CHSY3: variants seen among roughly 807,000 people sequenced by gnomAD.
The protein encoded by CHSY3 is N-acetylgalactosaminyl-proteoglycan 3-beta-glucuronosyltransferase 3.
A neutral mutation model predicts 67.2 loss-of-function variants in CHSY3; 35 were observed. The ratio of observed to expected loss-of-function variants is 0.52; its 90% CI spans 0.40 to 0.69. The LOEUF (loss-of-function observed/expected upper bound fraction) is 0.69, where lower values mean the gene tolerates loss of function less well. CHSY3 is among the 30% of genes least tolerant of loss of function. The pLI is 0.00. For synonymous variants in CHSY3, 474 were observed against 434.7 expected (o/e 1.09, Z -1.12); for missense variants, 1,069 against 1,138.5 (o/e 0.94, Z 0.88).
At chr5:130,175,187 T>C (rs1770007778) in intron 2 of CHSY3, among the ~76,000 whole-genome samples, 1 of 151,922 alleles carries the variant, frequency 6.6e-6, no homozygotes, top group South Asian at 2.1e-4. Flanking sequence ...TGTGCAAAAA[T>C]CACAAGCATT....
intron 2 of CHSY3, among the ~76,000 whole-genome samples, chr5:129,967,719 A>C (rs189114780): frequency 6.6e-6 from 1 of 151,956 alleles, no homozygotes; most frequent in Admixed American, 6.6e-5. Context: ...GTGAATAGAA[A>C]GGATCATTCA....
chr5:130,069,254 T>C (rs1765983710), intron 2 of CHSY3, among the ~76,000 whole-genome samples: 1 of 152,044 alleles, frequency 6.6e-6, no homozygotes, highest in South Asian at 2.1e-4. Context: ...GCTATAAGAC[T>C]ATGTAAACAG....
In CHSY3 at chr5:129,976,634, A is replaced by G. The variant is rs1388581403; in HGVS notation, c.1086+68274A>G. Reference sequence around the variant, plus strand: ...ATAGAACTTCCTGATTGGAAGACTTACATATACCTGAAAAGCTCTTCACAT... The same window carrying G: ...ATAGAACTTCCTGATTGGAAGACTTGCATATACCTGAAAAGCTCTTCACAT... On this transcript the variant is annotated intron_variant, in intron 2 of 2. Coordinates refer to ENST00000305031, the MANE Select transcript of CHSY3 (RefSeq NM_175856.5). Among the ~76,000 whole-genome samples, 4 of 152,164 alleles carry G rather than the reference A, an allele frequency of 2.6e-5. No homozygotes were observed. The East Asian group carries it at 7.7e-4, about 29-fold the overall frequency.
intron 2 of CHSY3, among the ~76,000 whole-genome samples, chr5:129,958,089 A>G (rs1246359183): frequency 2.0e-5 from 3 of 152,060 alleles, no homozygotes; most frequent in African/African-American, 4.8e-5. Flanking sequence ...AATATTTGTA[A>G]TGTTCTCTGA....
Position 130,088,600 on chromosome 5 carries a change from A to G in CHSY3, c.1087-95629A>G, listed in dbSNP as rs1440528942. On this transcript the variant is annotated intron_variant, in intron 2 of 2. Coordinates refer to ENST00000305031, the MANE Select transcript of CHSY3 (RefSeq NM_175856.5). The stretch of plus-strand genomic sequence containing the variant: ...ACTTCTCAAAAGAAGACATTTATGC[A>G]GCCAAAAAACACATGAAAAAATGCT... Among the ~76,000 whole-genome samples the G allele has an allele frequency of 8.5e-5, 13 of 152,342 alleles. No individual in the cohort carries two copies. In the East Asian group the frequency reaches 2.5e-3, roughly 29 times the overall value.
chr5:130,041,798 A>AT (rs1765012884), intron 2 of CHSY3, among the ~76,000 whole-genome samples: 1 of 152,198 alleles, frequency 6.6e-6, no homozygotes, highest in Non-Finnish European at 1.5e-5. Context: ...ATGCATAGTG[A>AT]TCACATTTGA....
At chr5:129,940,311 G>A (rs1761659071) in intron 2 of CHSY3, among the ~76,000 whole-genome samples, 1 of 152,080 alleles carries the variant, frequency 6.6e-6, no homozygotes, top group African/African-American at 2.4e-5. Flanking sequence ...GAGTTAAGAT[G>A]TGATGAATCT....
chr5:130,090,848 A>G (rs1766853658), intron 2 of CHSY3, among the ~76,000 whole-genome samples: 1 of 152,172 alleles, frequency 6.6e-6, no homozygotes, highest in African/African-American at 2.4e-5. Context: ...CCAACACAGA[A>G]ACATTGTAAA....
intron 2 of CHSY3, chr5:130,001,691 A>G (rs1163398244): frequency 5.5e-6 from 4 of 721,908 alleles, no homozygotes; most frequent in Non-Finnish European, 6.8e-6. Context: ...ACTATTCACA[A>G]TTATTTCATA....
intron 2 of CHSY3, among the ~76,000 whole-genome samples, chr5:129,938,806 G>A (rs991642765): frequency 3.3e-5 from 5 of 152,132 alleles, no homozygotes; most frequent in African/African-American, 9.7e-5. Context: ...AATTTAACAC[G>A]TCTCTAGGAA....
At chr5:129,964,271 T>C (rs777696129) in intron 2 of CHSY3, among the ~76,000 whole-genome samples, 2 of 151,886 alleles carry the variant, frequency 1.3e-5, no homozygotes, top group African/African-American at 2.4e-5. Context: ...CCTGCTCTTA[T>C]ATACAAATAT....
chr5:130,154,520 C>T (rs1041836350), intron 2 of CHSY3, among the ~76,000 whole-genome samples: 5 of 152,106 alleles, frequency 3.3e-5, no homozygotes, highest in African/African-American at 1.2e-4. Context: ...TCTTAAATGC[C>T]ATGTTTTTGT....
intron 2 of CHSY3, among the ~76,000 whole-genome samples, chr5:129,991,465 T>C (rs1439463916): frequency 6.6e-6 from 1 of 152,120 alleles, no homozygotes; most frequent in African/African-American, 2.4e-5. Context: ...ATCAACACAT[T>C]ATTTGTTCTT....
At chr5:129,984,859 A>G (rs1299851345) in intron 2 of CHSY3, among the ~76,000 whole-genome samples, 1 of 151,872 alleles carries the variant, frequency 6.6e-6, no homozygotes, top group Admixed American at 6.6e-5. Flanking sequence ...TGCCCATCTT[A>G]TAAAGTGGTT....
chr5:130,047,954 CTTTT>C (rs1298348376), intron 2 of CHSY3, among the ~76,000 whole-genome samples: 2 of 147,044 alleles, frequency 1.4e-5, no homozygotes, highest in Non-Finnish European at 3.0e-5. Context: ...CTTTTTTTTC[CTTTT>C]TTAAGTAAAA....
At chr5:130,006,270 G>T (rs566442224) in intron 2 of CHSY3, among the ~76,000 whole-genome samples, 4 of 152,270 alleles carry the variant, frequency 2.6e-5, no homozygotes, top group African/African-American at 9.6e-5. Context: ...AGAATGGCCT[G>T]CAATGTTAGG....
chr5:130,183,348 T>A (rs1177253663), intron 2 of CHSY3, among the ~76,000 whole-genome samples: 1 of 152,176 alleles, frequency 6.6e-6, no homozygotes, highest in African/African-American at 2.4e-5. Context: ...TTGGGTATGA[T>A]ACTTTACATC....
intron 2 of CHSY3, among the ~76,000 whole-genome samples, chr5:130,100,876 C>G (rs1177475100): frequency 6.6e-6 from 1 of 152,146 alleles, no homozygotes; most frequent in East Asian, 1.9e-4. Context: ...AATTTGTTGA[C>G]TTTTTGATCT....
intron 2 of CHSY3, among the ~76,000 whole-genome samples, chr5:130,180,045 G>C (rs1392057689): frequency 6.6e-6 from 1 of 152,146 alleles, no homozygotes; most frequent in African/African-American, 2.4e-5. Context: ...GCTCACCTGA[G>C]TTCCTGAACT....
Sources: gnomAD v4.1 joint callset for allele counts (sites outside exome capture counted in the v4.1 genomes callset) on GRCh38, gnomAD v4.1.1 for gene constraint, MANE v1.5 for transcripts, NCBI Gene and HGNC (gene_info 2026-07-23, HGNC 2026-07-21) for gene names.